The following APCDD1L variants were observed in gnomAD, a reference collection of about 807,000 sequenced individuals.
APCDD1L encodes the protein APC down-regulated 1 like.
In APCDD1L, 21 loss-of-function variants were observed where a neutral mutation model predicts 24.2. The ratio of observed to expected loss-of-function variants is 0.87; its 90% CI spans 0.61 to 1.25. APCDD1L has a LOEUF of 1.25. APCDD1L is among the 50% of genes most tolerant of loss of function. APCDD1L has a pLI of 0.00. For missense variants in APCDD1L, 704 were observed against 711.7 expected (o/e 0.99, Z 0.12); for synonymous variants, 321 against 323.6 (o/e 0.99, Z 0.09).
chr20:58,508,514 T>G lies in APCDD1L; in HGVS notation c.49+6145A>C, dbSNP rs928131310. Among the ~76,000 whole-genome samples the G allele has an allele frequency of 6.6e-6, 1 of 152,126 alleles. No individual in the cohort carries two copies. Among genetic ancestry groups the G allele is most frequent in the Non-Finnish European group, 1.5e-5 (1 of 68,026 alleles). On this transcript the variant is annotated intron_variant, in intron 1 of 3. Transcript: ENST00000371149. This position sits in a 1 kb window ranked among gnomAD's most constrained non-coding sequence, Gnocchi z 4.0. Reference sequence around the variant, plus strand: ...CCCCTGAAGTGGTTGACATCCTCGATTAGATGTTGGCATTGGTGGTGGGGG... The same window carrying G: ...CCCCTGAAGTGGTTGACATCCTCGAGTAGATGTTGGCATTGGTGGTGGGGG...
chr20:58,513,305 AG>A (rs1990667247), intron 1 of APCDD1L, among the ~76,000 whole-genome samples: 1 of 152,156 alleles, frequency 6.6e-6, no homozygotes, highest in Non-Finnish European at 1.5e-5. Context: ...AAGAACCAGC[AG>A]GGGTGAGGTG....
intron 1 of APCDD1L, among the ~76,000 whole-genome samples, chr20:58,498,953 C>A (rs151294404): frequency 3.9e-5 from 6 of 152,236 alleles, no homozygotes; most frequent in South Asian, 2.1e-4. Context: ...CTGGTTCCCC[C>A]CTTGGCTGCA....
At chr20:58,493,742 G>A (rs1021033925) in intron 1 of APCDD1L, among the ~76,000 whole-genome samples, 6 of 152,214 alleles carry the variant, frequency 3.9e-5, no homozygotes, top group Non-Finnish European at 8.8e-5. Flanking sequence ...GGGAGAACAG[G>A]TGAGTGGACA....
rs747539318 is a variant in APCDD1L, at chr20:58,486,854, GTTTTTTT to G, written c.50-16114_50-16108del. On this transcript the variant is annotated intron_variant, in intron 1 of 3. Coordinates refer to ENST00000371149, the MANE Select transcript of APCDD1L (RefSeq NM_153360.3). ...AGAAGGAAAATTTACTGGAGGGAAG[GTTTTTTT>G]TTTTTTTTTTTTTTTTTTGAGATGA... Among the ~76,000 whole-genome samples the G allele has an allele frequency of 1.6e-4, 13 of 80,438 alleles. 1 individual carries two copies. The highest frequency in any genetic ancestry group is 8.2e-4 in the Admixed American group (4 of 4,900). The allele number at this position is 80,438 out of a possible 152,430, so 52.8% of individuals were successfully genotyped here.
At position 58,467,323 on chromosome 20, in the gene APCDD1L, T is replaced by C; in HGVS notation, c.524A>G (p.Glu175Gly). Residue 175 changes from glutamate to glycine, a missense_variant, in exon 3 of 4, where the codon GAG (glutamate) becomes GGG (glycine). By Grantham distance (98) the Glu-to-Gly change is moderately conservative. Transcript: ENST00000371149. The surrounding 1 kb of genome is among the most constrained non-coding windows in gnomAD (Gnocchi z 5.9). ...CCCCTGAGCCCGGGCGCTCCGCAGC[T>C]CGTACAGCGCCCCAGGCAGCCAGGC... ...ARAWLPGALY[E>G]LRSARAQGDC... 1.3e-6 allele frequency: 2 copies of C among 1,514,446 alleles called. No individual in the cohort carries two copies. Among genetic ancestry groups the C allele is most frequent in the Non-Finnish European group, 1.8e-6 (2 of 1,137,894 alleles). 93.8% of individuals were successfully genotyped at this position (1,514,446 alleles called of 1,614,324 possible). A position where few individuals can be genotyped will look rare whatever the true frequency, so the allele number is the denominator to read the frequency against.
At chr20:58,490,484 G>A (rs1423116767) in intron 1 of APCDD1L, among the ~76,000 whole-genome samples, 1 of 152,172 alleles carries the variant, frequency 6.6e-6, no homozygotes, top group African/African-American at 2.4e-5. Flanking sequence ...AGAACTTAAC[G>A]ACACATGGAA....
chr20:58,495,612 C>T (rs1324055762), intron 1 of APCDD1L, among the ~76,000 whole-genome samples: 1 of 152,162 alleles, frequency 6.6e-6, no homozygotes, highest in Non-Finnish European at 1.5e-5. Context: ...TCAGGCCCTG[C>T]CCCTTCTGAG....
chr20:58,502,534 G>T, intron 1 of APCDD1L, among the ~76,000 whole-genome samples: 1 of 152,062 alleles, frequency 6.6e-6, no homozygotes, highest in South Asian at 2.1e-4. Context: ...ACAGTGCCAG[G>T]CACGTAGTCA....
intron 1 of APCDD1L, among the ~76,000 whole-genome samples, chr20:58,503,464 G>A (rs1990480222): frequency 6.6e-6 from 1 of 152,194 alleles, no homozygotes; most frequent in South Asian, 2.1e-4. Flanking sequence ...AACTCTAAGT[G>A]TACATTTCAA....
chr20:58,488,711 A>G (rs1207466614), intron 1 of APCDD1L, among the ~76,000 whole-genome samples: 1 of 152,246 alleles, frequency 6.6e-6, no homozygotes, highest in Non-Finnish European at 1.5e-5. Flanking sequence ...AACTCATGGA[A>G]TGCAGATAAA....
At position 58,461,257 on chromosome 20, in the gene APCDD1L, C is replaced by T. The variant is rs200688452; in HGVS notation, c.1039G>A (p.Gly347Ser). The T allele has an allele frequency of 2.1e-4, 339 of 1,613,342 alleles. No individual in the cohort carries two copies. The highest frequency in any genetic ancestry group is 2.7e-4 in the Non-Finnish European group (321 of 1,179,792). The stretch of plus-strand genomic sequence containing the variant: ...ACCTCAAACACCAGCTCGGTGCCGC[C>T]GCGGACCCTGGTGGATGGCGTGCCC... ...TRGTPSTRVR[G>S]GTELVFEVTR... is the part of the protein sequence containing the mutation. The change falls in exon 4 of 4, where the codon GGC becomes AGC. Residue 347 changes from glycine (G) to serine (S), a missense_variant. Transcript: ENST00000371149. The surrounding 1 kb of genome is among the most constrained non-coding windows in gnomAD (Gnocchi z 6.0).
At chr20:58,513,636 C>T (rs1157096731) in intron 1 of APCDD1L, among the ~76,000 whole-genome samples, 1 of 152,212 alleles carries the variant, frequency 6.6e-6, no homozygotes. Flanking sequence ...AGCCCCTCTT[C>T]ACCCCGGGGT....
At chr20:58,463,896 G>T (rs912556254) in intron 3 of APCDD1L, among the ~76,000 whole-genome samples, 13 of 110,106 alleles carry the variant, frequency 1.2e-4, no homozygotes, top group Admixed American at 1.1e-3. Flanking sequence ...TTTTTTTTTG[G>T]GGGGGGGGGG....
rs552161242 is a variant in APCDD1L, at chr20:58,494,564, T to C, written c.49+20095A>G. On this transcript the variant is annotated intron_variant, in intron 1 of 3. Coordinates refer to ENST00000371149, the MANE Select transcript of APCDD1L (RefSeq NM_153360.3). This position sits in a 1 kb window ranked among gnomAD's most constrained non-coding sequence, Gnocchi z 4.8. Reference sequence around the variant, plus strand: ...TATGTTGCCCAATCTGGTCTCAAACTCCTGGGCTCAGTGATCCTCTTGCCT... The same window carrying C: ...TATGTTGCCCAATCTGGTCTCAAACCCCTGGGCTCAGTGATCCTCTTGCCT... Among the ~76,000 whole-genome samples, 1 of 152,140 alleles carries C rather than the reference T, an allele frequency of 6.6e-6. No individual in the cohort carries two copies. The highest frequency in any genetic ancestry group is 2.1e-4 in the South Asian group (1 of 4,816).
chr20:58,472,016 T>C (rs1211806599), intron 1 of APCDD1L, among the ~76,000 whole-genome samples: 3 of 152,188 alleles, frequency 2.0e-5, no homozygotes, highest in Non-Finnish European at 4.4e-5. Flanking sequence ...TTCCTGACCT[T>C]GCAGGCAGAC....
At chr20:58,484,115 G>T (rs1990075391) in intron 1 of APCDD1L, among the ~76,000 whole-genome samples, 1 of 152,204 alleles carries the variant, frequency 6.6e-6, no homozygotes, top group Non-Finnish European at 1.5e-5. Flanking sequence ...GTGGCAATTT[G>T]GGTATGGACA....
At chr20:58,471,348 C>G (rs902934614) in intron 1 of APCDD1L, among the ~76,000 whole-genome samples, 1 of 152,188 alleles carries the variant, frequency 6.6e-6, no homozygotes, top group African/African-American at 2.4e-5. Context: ...GCTCAGCGAG[C>G]GTGTGGCAAG....
intron 1 of APCDD1L, among the ~76,000 whole-genome samples, chr20:58,483,070 A>G (rs1990053190): frequency 6.6e-6 from 1 of 152,168 alleles, no homozygotes; most frequent in African/African-American, 2.4e-5. Context: ...CCCACTGCCT[A>G]TGTGTGCCTT....
intron 1 of APCDD1L, among the ~76,000 whole-genome samples, chr20:58,501,892 A>C (rs1311377236): frequency 6.6e-6 from 1 of 152,176 alleles, no homozygotes; most frequent in Non-Finnish European, 1.5e-5. Flanking sequence ...TCTAGCAGCC[A>C]TCCTGACTTT....
Sources: gnomAD v4.1 joint callset for allele counts (sites outside exome capture counted in the v4.1 genomes callset) on GRCh38, gnomAD v4.1.1 for gene constraint, Gnocchi (gnomAD v3.1) non-coding constraint, MANE v1.5 for transcripts, NCBI Gene and HGNC (gene_info 2026-07-23, HGNC 2026-07-21) for gene names.